Variants in RAD54L2 observed in about 807,000 individuals in gnomAD.
RAD54L2 encodes the protein helicase ARIP4.
RAD54L2 carries 27 observed loss-of-function variants against 138.4 expected under a neutral mutation model. The ratio of observed to expected loss-of-function variants is 0.20; its 90% CI spans 0.14 to 0.27. The LOEUF (loss-of-function observed/expected upper bound fraction) is 0.27. Ranked by LOEUF, RAD54L2 falls within the 10% of genes least tolerant of loss-of-function variation. The pLI is 1.00. For missense variants in RAD54L2, 1,396 were observed against 1,890.2 expected, an observed-to-expected ratio of 0.74 and a Z score of 4.85; for synonymous variants, 644 against 723.2, an observed-to-expected ratio of 0.89 and a Z score of 1.76.
At chr3:51,545,310 GC>G (rs1553672039) in intron 2 of RAD54L2, among the ~76,000 whole-genome samples, 1 of 152,054 alleles carries the variant, frequency 6.6e-6, no homozygotes, top group African/African-American at 2.4e-5. Flanking sequence ...TCCTGCCTCA[GC>G]CTCCTGAGCA....
chr3:51,647,231 G>A (rs974422145), intron 19 of RAD54L2, among the ~76,000 whole-genome samples: 1 of 152,100 alleles, frequency 6.6e-6, no homozygotes, highest in Non-Finnish European at 1.5e-5. Context: ...GTGACAGGGT[G>A]TCACTCTGTT....
At chr3:51,651,590 G>C (rs1701437971) in intron 19 of RAD54L2, among the ~76,000 whole-genome samples, 1 of 152,114 alleles carries the variant, frequency 6.6e-6, no homozygotes. Flanking sequence ...TATCCACCAA[G>C]ATCAAGTTGG....
At chr3:51,642,588 G>A (rs956459625) in intron 15 of RAD54L2, among the ~76,000 whole-genome samples, 1 of 152,180 alleles carries the variant, frequency 6.6e-6, no homozygotes, top group Non-Finnish European at 1.5e-5. Context: ...TATATTATAC[G>A]ACATTTAGTA....
chr3:51,658,795 C>T (rs1455968135), intron 21 of RAD54L2, among the ~76,000 whole-genome samples: 2 of 152,122 alleles, frequency 1.3e-5, no homozygotes, highest in Admixed American at 6.6e-5. Context: ...CCCTTTACTG[C>T]TGTCTTCCTA....
chr3:51,633,737 A>G lies in RAD54L2; in HGVS notation c.986A>G (p.Lys329Arg), dbSNP rs1229212920. 3 of 1,613,762 alleles carry G rather than the reference A, an allele frequency of 1.9e-6. No homozygotes were observed. The highest frequency in any genetic ancestry group is 2.5e-6 in the Non-Finnish European group (3 of 1,179,884). Residue 329 changes from lysine to arginine, a missense_variant, in exon 8 of 23, where the codon AAA becomes AGA. Transcript: ENST00000684192. ...GTCCTCTTCCGCCACACGCCAGCCA[A>G]AACAGTCCTTGCCATTGTGCCGGTA... ...IDVLFRHTPA[K>R]TVLAIVPVNT...
intron 7 of RAD54L2, among the ~76,000 whole-genome samples, chr3:51,631,524 T>G (rs1195666038): frequency 2.6e-5 from 4 of 151,228 alleles, no homozygotes; most frequent in African/African-American, 9.7e-5. Context: ...TTTTTTTTTT[T>G]GTAGAGATGA....
At position 51,660,691 on chromosome 3, in the gene RAD54L2, G is replaced by T. The variant is rs566108219; in HGVS notation, c.3409+573G>T. Among the ~76,000 whole-genome samples the T allele has an allele frequency of 6.2e-4, 91 of 147,292 alleles. 1 individual carries two copies. Among genetic ancestry groups the T allele is most frequent in the African/African-American group, 1.6e-3 (64 of 39,664 alleles). On this transcript the variant is annotated intron_variant, in intron 22 of 22. Coordinates refer to ENST00000684192, the MANE Select transcript of RAD54L2 (RefSeq NM_015106.4). ...GGCTGGAGTGCAATGGTGCAATCTC[G>T]GCTCACTGCAACCTCCTCCTCCCAG...
At chr3:51,553,367 C>G (rs890208300) in intron 2 of RAD54L2, among the ~76,000 whole-genome samples, 1 of 152,216 alleles carries the variant, frequency 6.6e-6, no homozygotes, top group Non-Finnish European at 1.5e-5. Context: ...TGAGCCACTG[C>G]ACCCAGCTTA....
rs530639417 is a variant in RAD54L2 at position 51,608,934 on chromosome 3, A to G, written c.139+18375A>G. ...AGACGGTAGTCTAGCTTTGTTGCAC[A>G]GTTTGGAGTGCAGTGGTGTGATCTC... is the stretch of plus-strand genomic sequence containing the variant. On this transcript the variant is annotated intron_variant, in intron 3 of 22. Coordinates refer to ENST00000684192, the MANE Select transcript of RAD54L2 (RefSeq NM_015106.4). Among the ~76,000 whole-genome samples, 12 of 152,242 alleles carry G rather than the reference A, an allele frequency of 7.9e-5. No homozygotes were observed. In the South Asian group the frequency reaches 2.5e-3, roughly 32 times the overall value.
intron 3 of RAD54L2, among the ~76,000 whole-genome samples, chr3:51,604,413 A>G (rs1700137254): frequency 6.6e-6 from 1 of 152,182 alleles, no homozygotes; most frequent in Non-Finnish European, 1.5e-5. Context: ...AAACCAAGGT[A>G]TAGTACATGT....
In RAD54L2 at chr3:51,574,314, A is replaced by C. The variant is rs146604006; in HGVS notation, c.-54-16053A>C. Among the ~76,000 whole-genome samples the C allele has an allele frequency of 2.3e-3, 351 of 152,288 alleles. 10 individuals carry two copies. The East Asian group carries it at 0.058, about 25-fold the overall frequency. On this transcript the variant is annotated intron_variant, in intron 2 of 22. Transcript: ENST00000684192. ...AGTGCCACGATAAACATACGTGTGCATGTGTCTTTATAGAAGCATGATTTA... is the reference window on the plus strand; with the variant it reads ...AGTGCCACGATAAACATACGTGTGCCTGTGTCTTTATAGAAGCATGATTTA...
At chr3:51,592,093 T>G (rs1176744578) in intron 3 of RAD54L2, among the ~76,000 whole-genome samples, 2 of 139,646 alleles carry the variant, frequency 1.4e-5, no homozygotes, top group Non-Finnish European at 3.1e-5. Context: ...TGAGATGGAG[T>G]TTTGCTCGTT....
chr3:51,625,692 C>G (rs1205548615), intron 3 of RAD54L2, among the ~76,000 whole-genome samples: 1 of 151,294 alleles, frequency 6.6e-6, no homozygotes, highest in Admixed American at 6.6e-5. Flanking sequence ...GACCTTGTCT[C>G]TACAAAAAAG....
chr3:51,608,818 C>T (rs1029341682), intron 3 of RAD54L2, among the ~76,000 whole-genome samples: 2 of 152,146 alleles, frequency 1.3e-5, no homozygotes, highest in Non-Finnish European at 2.9e-5. Context: ...AGACCCAGTC[C>T]AGCCTTGGCT....
chr3:51,591,358 C>A (rs1305702220), intron 3 of RAD54L2, among the ~76,000 whole-genome samples: 2 of 152,140 alleles, frequency 1.3e-5, no homozygotes, highest in African/African-American at 4.8e-5. Context: ...TCATAACAGA[C>A]CCCCTAGTGG....
rs1407807513 is a variant in RAD54L2, at chr3:51,635,783, C to T, written c.1333C>T (p.Arg445Trp). The T allele has an allele frequency of 1.2e-5, 20 of 1,608,872 alleles. No homozygotes were observed. The highest frequency in any genetic ancestry group is 4.5e-5 in the East Asian group (2 of 44,700). The change falls in exon 10 of 23, where the codon CGG (arginine) becomes TGG (tryptophan). Residue 445 changes from arginine (R) to tryptophan (W), a missense_variant. This residue lies in a region of RAD54L2 where 169 missense variants were observed against 235.6 expected (regional missense o/e 0.72). Transcript: ENST00000684192. ...LDEEDRQQEF[R>W]REFEKALCRP... ...TGAGGAAGATCGGCAGCAGGAGTTT[C>T]GGAGAGGTGGGCAGCCTATCCCAGG...
At chr3:51,561,809 C>G (rs1699105862) in intron 2 of RAD54L2, among the ~76,000 whole-genome samples, 1 of 152,156 alleles carries the variant, frequency 6.6e-6, no homozygotes. Context: ...TCTGCCTCAG[C>G]CTCCCAAAGT....
intron 2 of RAD54L2, among the ~76,000 whole-genome samples, chr3:51,546,113 A>G (rs1264689584): frequency 1.3e-5 from 2 of 150,642 alleles, no homozygotes; most frequent in Non-Finnish European, 3.0e-5. Flanking sequence ...TAATTTTTGT[A>G]TTTTTAGTAG....
chr3:51,593,701 A>C (rs889416508), intron 3 of RAD54L2, among the ~76,000 whole-genome samples: 1 of 152,204 alleles, frequency 6.6e-6, no homozygotes, highest in African/African-American at 2.4e-5. Context: ...ATTGTTTGTC[A>C]TAGTTTACAC....
Sources: gnomAD v4.1 joint callset for allele counts (sites outside exome capture counted in the v4.1 genomes callset) on GRCh38, gnomAD v4.1.1 for gene constraint, gnomAD v4.1.1 regional missense constraint, MANE v1.5 for transcripts, NCBI Gene and HGNC (gene_info 2026-07-23, HGNC 2026-07-21) for gene names.